Variants in EFHB observed in about 807,000 individuals in gnomAD.
EFHB encodes EF-hand domain family member B.
Under a neutral mutation model 87.2 loss-of-function variants are expected in EFHB, and 91 were observed. That is an observed-to-expected ratio of 1.04 (90% CI 0.88 to 1.24). The LOEUF is 1.24. Ranked by LOEUF, EFHB falls within the 50% of genes most tolerant of loss-of-function variation. EFHB has a pLI of 0.00. For missense variants in EFHB, 1,084 were observed against 998.8 expected, an observed-to-expected ratio of 1.09 and a Z score of -1.15; for synonymous variants, 325 against 333.6, an observed-to-expected ratio of 0.97 and a Z score of 0.28.
intron 10 of EFHB, among the ~76,000 whole-genome samples, chr3:19,888,125 C>T (rs1343980067): frequency 2.6e-5 from 4 of 152,024 alleles, no homozygotes; most frequent in Non-Finnish European, 4.4e-5. Flanking sequence ...CATGCATAAA[C>T]AAGCAAATAA....
chr3:19,895,350 C>T (rs1442345377), intron 9 of EFHB, among the ~76,000 whole-genome samples: 2 of 151,504 alleles, frequency 1.3e-5, no homozygotes, highest in African/African-American at 4.8e-5. Flanking sequence ...GGCCTGGTGG[C>T]GGGCACCTGT....
intron 6 of EFHB, among the ~76,000 whole-genome samples, chr3:19,900,135 C>T (rs184065630): frequency 6.6e-6 from 1 of 152,112 alleles, no homozygotes; most frequent in East Asian, 1.9e-4. Flanking sequence ...AGCATCAGGC[C>T]AGGCACAGTG....
chr3:19,941,147 TG>T, intron 1 of EFHB: 1 of 386,350 alleles, frequency 2.6e-6, no homozygotes, highest in Non-Finnish European at 4.8e-6. Context: ...TTCTGAATCC[TG>T]GGGATAAAAG....
At chr3:19,910,373 A>G (rs1029534933) in intron 5 of EFHB, among the ~76,000 whole-genome samples, 1 of 151,746 alleles carries the variant, frequency 6.6e-6, no homozygotes, top group African/African-American at 2.4e-5. Flanking sequence ...TGTCTTTGGG[A>G]GGGGGAGGGA....
upstream of EFHB, among the ~76,000 whole-genome samples, chr3:19,935,013 C>T (rs548636096): frequency 7.2e-5 from 11 of 152,074 alleles, no homozygotes; most frequent in East Asian, 1.7e-3. Context: ...TGGGTCCAAG[C>T]GATTCTCCTG....
intron 12 of EFHB, among the ~76,000 whole-genome samples, chr3:19,880,103 G>C (rs1017222911): frequency 4.0e-5 from 6 of 151,862 alleles, no homozygotes; most frequent in African/African-American, 1.5e-4. Flanking sequence ...TTTAAGGAGA[G>C]GTAGCAAAAT....
rs770766960 is a variant in EFHB, at chr3:19,882,671, C to A, written c.2207G>T (p.Arg736Leu). 6 of 1,613,600 alleles carry A rather than the reference C, an allele frequency of 3.7e-6. No individual in the cohort carries two copies. Among genetic ancestry groups the A allele is most frequent in the Admixed American group, 3.3e-5 (2 of 59,992 alleles). ...ACCATAATTAGTTCTGTCACTGATG[C>A]GACGAATTCGGGGAGCAGGAATGTC... ...RSDIPAPRIR[R>L]ISDRTNYGEE... Residue 736 changes from arginine to leucine, a missense_variant, in exon 12 of 13, where the codon CGC becomes CTC. Coordinates refer to ENST00000295824, the MANE Select transcript of EFHB (RefSeq NM_144715.4).
At position 19,918,264 on chromosome 3, in the gene EFHB, G is replaced by A. The variant is rs2929366; in HGVS notation, c.1145C>T (p.Thr382Ile). The A allele has an allele frequency of 0.66, 1,055,956 of 1,609,600 alleles. 352,526 individuals are homozygous for A. The highest frequency in any genetic ancestry group is 0.81 in the African/African-American group (60,103 of 74,542). Reference protein sequence around the residue: ...APGLPKGMDTTNTTFGTAVIK... With the variant: ...APGLPKGMDTINTTFGTAVIK... ...GACTGCTGTCCCAAATGTCGTATTG[G>A]TTGTGTCCATGCCTTTTGGTAATCC... Residue 382 changes from threonine (T) to isoleucine (I), a missense_variant, in exon 4 of 13, where the codon ACC (threonine) becomes ATC (isoleucine). Transcript: ENST00000295824.
upstream of EFHB, among the ~76,000 whole-genome samples, chr3:19,934,568 G>T (rs1695965027): frequency 6.6e-6 from 1 of 151,778 alleles, no homozygotes. Flanking sequence ...GATTTGGAGG[G>T]CGAGAAAATT....
At chr3:19,938,614 C>T (rs780586469), upstream of EFHB, among the ~76,000 whole-genome samples, 9 of 152,182 alleles carry the variant, frequency 5.9e-5, no homozygotes, top group Non-Finnish European at 1.3e-4. Context: ...TGTGGGTCAA[C>T]ATCTCTGGTA....
At chr3:19,915,184 T>G (rs1695185033) in intron 5 of EFHB, 119 bp downstream of exon 5, 1 of 627,646 alleles carries the variant, frequency 1.6e-6, no homozygotes, top group Admixed American at 3.1e-5. Flanking sequence ...TGAATAATAT[T>G]GTATTAGTTA....
Position 19,888,550 on chromosome 3 carries a change from A to C in EFHB, c.1827T>G (p.Cys609Trp), listed in dbSNP as rs1574994642. The change falls in exon 10 of 13, where the codon TGT becomes TGG. Residue 609 changes from cysteine (C) to tryptophan (W), a missense_variant. Physicochemically the swap from Cys to Trp is radical, Grantham distance 215. Transcript: ENST00000295824. ...TAATGAAGCCATCATTATCCACATCACAGTAGTCAAATAGCTGGTCCAGGA... is the reference window on the plus strand; with the variant it reads ...TAATGAAGCCATCATTATCCACATCCCAGTAGTCAAATAGCTGGTCCAGGA... ...DKLLDQLFDY[C>W]DVDNDGFINY... 6.3e-7 allele frequency: 1 copy of C among 1,596,104 alleles called. No individual in the cohort carries two copies.
chr3:19,945,399 A>C (rs1696249027), intron 1 of EFHB, among the ~76,000 whole-genome samples: 1 of 152,244 alleles, frequency 6.6e-6, no homozygotes, highest in Admixed American at 6.5e-5. Context: ...CATTAATTTC[A>C]GTTTATATAA....
intron 1 of EFHB, chr3:19,942,996 C>G (rs1462659701): frequency 3.4e-6 from 1 of 294,638 alleles, no homozygotes; most frequent in East Asian, 9.3e-5. Flanking sequence ...CCCTTGTATT[C>G]TACTTGGACC....
Position 19,920,497 on chromosome 3 carries a change from G to A in EFHB, c.852+8C>T. On this transcript the variant is annotated splice_region_variant and intron_variant, in intron 2 of 12. Coordinates refer to ENST00000295824, the MANE Select transcript of EFHB (RefSeq NM_144715.4). ...ATAGAAATATAAAGGTATATTGAAAGTGCTCACCCTGGGAAGTTTTTCAGT... is the reference window on the plus strand; with the variant it reads ...ATAGAAATATAAAGGTATATTGAAAATGCTCACCCTGGGAAGTTTTTCAGT... 6.3e-7 allele frequency: 1 copy of A among 1,596,452 alleles called. No homozygotes were observed. The highest frequency in any genetic ancestry group is 8.5e-7 in the Non-Finnish European group (1 of 1,173,110).
rs774502724 is a variant in EFHB, at chr3:19,920,501, T to C, written c.852+4A>G. 5 of 1,599,964 alleles carry C rather than the reference T, an allele frequency of 3.1e-6. No individual in the cohort carries two copies. The South Asian group carries it at 4.5e-5, about 15-fold the overall frequency. On this transcript the variant is annotated splice_donor_region_variant and intron_variant, in intron 2 of 12. Transcript: ENST00000295824. ...AAATATAAAGGTATATTGAAAGTGCTCACCCTGGGAAGTTTTTCAGTCAAG... is the reference window on the plus strand; with the variant it reads ...AAATATAAAGGTATATTGAAAGTGCCCACCCTGGGAAGTTTTTCAGTCAAG...
Position 19,896,690 on chromosome 3 carries a change from G to A in EFHB, c.1722C>T (p.Asp574=). 1 of 1,613,994 alleles carries A rather than the reference G, an allele frequency of 6.2e-7. No homozygotes were observed. Residue 574 remains aspartate, a synonymous_variant, in exon 9 of 13, where the codon GAC becomes GAT. Transcript: ENST00000295824. ...DTLLAAFRHY[D]KKGDGMIDKD... ...AAAGCTCTCCCCCATTACTGGCCTT[G>A]TCATAGTGCCTGAAGGCTGCCAGCA...
intron 3 of EFHB, 119 bp downstream of exon 3, chr3:19,919,714 G>C: frequency 9.8e-7 from 1 of 1,022,544 alleles, no homozygotes; most frequent in Non-Finnish European, 1.4e-6. Flanking sequence ...ATTGAGAAAA[G>C]CCTAGTAAAA....
At chr3:19,928,200 C>T (rs1695696648) in intron 1 of EFHB, among the ~76,000 whole-genome samples, 1 of 151,856 alleles carries the variant, frequency 6.6e-6, no homozygotes, top group Admixed American at 6.5e-5. Context: ...ACAAGGAGGG[C>T]TTAGGCCAAA....
Sources: allele counts gnomAD v4.1 joint callset (sites outside exome capture counted in the v4.1 genomes callset), GRCh38; gene constraint gnomAD v4.1.1; transcripts MANE v1.5; gene names NCBI Gene and HGNC (gene_info 2026-07-23, HGNC 2026-07-21).